Variants in NBAS observed in about 807,000 individuals in gnomAD.
The protein encoded by NBAS is NAG/BC035112 fusion.
Under a neutral mutation model 302.5 loss-of-function variants are expected in NBAS, and 219 were observed. The observed-to-expected ratio is 0.72, with a 90% CI of 0.65 to 0.81. The LOEUF is 0.81. Among genes scored for constraint, NBAS ranks in the 30% least tolerant of loss-of-function variants. The pLI, the probability that NBAS is intolerant of heterozygous loss-of-function variation, is 0.00. For missense variants in NBAS, 2,932 were observed against 2,841.6 expected, an observed-to-expected ratio of 1.03 and a Z score of -0.72; for synonymous variants, 1,118 against 1,021.6, an observed-to-expected ratio of 1.09 and a Z score of -1.80.
At chr2:15,326,444 C>G (rs1672071263) in intron 38 of NBAS, among the ~76,000 whole-genome samples, 1 of 152,178 alleles carries the variant, frequency 6.6e-6, no homozygotes, top group African/African-American at 2.4e-5. Context: ...AGGTCCACAT[C>G]CAACCTAGTA....
intron 44 of NBAS, among the ~76,000 whole-genome samples, chr2:15,260,928 CA>C (rs950705315): frequency 5.9e-5 from 9 of 152,200 alleles, no homozygotes; most frequent in Non-Finnish European, 1.3e-4. Flanking sequence ...TCCTAATCCA[CA>C]GTCTAGTGGT....
chr2:15,425,567 C>CA (rs1677427055), intron 22 of NBAS, among the ~76,000 whole-genome samples: 1 of 152,086 alleles, frequency 6.6e-6, no homozygotes, highest in Non-Finnish European at 1.5e-5. Flanking sequence ...GCATTTTACC[C>CA]AAATGCCTTT....
chr2:15,223,642 A>C (rs1667042863), intron 47 of NBAS, among the ~76,000 whole-genome samples: 1 of 152,088 alleles, frequency 6.6e-6, no homozygotes, highest in South Asian at 2.1e-4. Context: ...CATCCTGGCC[A>C]ACATGGTGAA....
At chr2:15,424,171 C>T in intron 23 of NBAS, 144 bp downstream of exon 23, 1 of 1,052,682 alleles carries the variant, frequency 9.5e-7, no homozygotes, top group Non-Finnish European at 1.4e-6. Context: ...CACAGGATAA[C>T]AAAGAAATAA....
chr2:14,872,875 T>C, the NBAS span, among the ~76,000 whole-genome samples: 1 of 151,290 alleles, frequency 6.6e-6, no homozygotes, highest in Non-Finnish European at 1.5e-5. Context: ...GCCTCCGGAG[T>C]TGTTTGTTCC....
At chr2:14,894,147 C>G in the NBAS span, among the ~76,000 whole-genome samples, 1 of 152,234 alleles carries the variant, frequency 6.6e-6, no homozygotes, top group Non-Finnish European at 1.5e-5. Flanking sequence ...TACAGAGACT[C>G]AAAAATACAT....
chr2:15,201,480 T>C (rs1261771435), intron 48 of NBAS, among the ~76,000 whole-genome samples: 2 of 152,204 alleles, frequency 1.3e-5, no homozygotes, highest in East Asian at 1.9e-4. Flanking sequence ...AAACCAGTCA[T>C]AAGCTGTTGA....
At chr2:15,449,830 C>A (rs1458489177) in intron 21 of NBAS, among the ~76,000 whole-genome samples, 1 of 152,214 alleles carries the variant, frequency 6.6e-6, no homozygotes, top group Non-Finnish European at 1.5e-5. Flanking sequence ...CGGACAGTCA[C>A]CTCAGAAGGC....
chr2:15,450,629 T>C (rs1678961269), intron 21 of NBAS, among the ~76,000 whole-genome samples: 1 of 152,238 alleles, frequency 6.6e-6, no homozygotes, highest in Non-Finnish European at 1.5e-5. Context: ...ATTTATTTAC[T>C]GAATCAAATA....
At chr2:15,458,137 T>C (rs1371250652) in intron 21 of NBAS, among the ~76,000 whole-genome samples, 1 of 152,212 alleles carries the variant, frequency 6.6e-6, no homozygotes, top group Non-Finnish European at 1.5e-5. Context: ...CTCGGATATT[T>C]ATTAAAGAAG....
intron 48 of NBAS, among the ~76,000 whole-genome samples, chr2:15,197,522 A>C (rs1325280015): frequency 6.6e-6 from 1 of 152,166 alleles, no homozygotes; most frequent in Non-Finnish European, 1.5e-5. Flanking sequence ...ATGACCATTC[A>C]ATTTGTGAGA....
the NBAS span, among the ~76,000 whole-genome samples, chr2:14,925,919 G>A: frequency 6.6e-6 from 1 of 152,118 alleles, no homozygotes; most frequent in Non-Finnish European, 1.5e-5. Context: ...TTGTTTCTCA[G>A]GAATATATTG....
intron 25 of NBAS, among the ~76,000 whole-genome samples, chr2:15,409,322 C>T (rs1318340710): frequency 1.3e-5 from 2 of 152,172 alleles, no homozygotes; most frequent in Admixed American, 1.3e-4. Flanking sequence ...CACCTCGTAT[C>T]TTTCATTGAT....
chr2:15,160,901 A>T, the NBAS span, among the ~76,000 whole-genome samples: 2 of 152,200 alleles, frequency 1.3e-5, no homozygotes, highest in Admixed American at 6.5e-5. Flanking sequence ...TAAGAAGGTA[A>T]CATGAAAGGG....
chr2:15,011,486 T>C, the NBAS span, among the ~76,000 whole-genome samples: 36 of 152,146 alleles, frequency 2.4e-4, no homozygotes, highest in African/African-American at 8.2e-4. Flanking sequence ...AACAGACCCA[T>C]GGGCCATCCC....
chr2:15,400,912 C>A (rs1676118909), intron 26 of NBAS, among the ~76,000 whole-genome samples: 1 of 152,152 alleles, frequency 6.6e-6, no homozygotes, highest in Non-Finnish European at 1.5e-5. Context: ...TTTACCTTGT[C>A]TCTCTATTTC....
rs747569951 is a variant in NBAS at position 15,349,134 on chromosome 2, T to A, written c.4179+2858A>T. 3.9e-5 allele frequency among the ~76,000 whole-genome samples: 6 copies of A among 152,288 alleles called. No homozygotes were observed. In the East Asian group the frequency reaches 5.8e-4, roughly 15 times the overall value. On this transcript the variant is annotated intron_variant, in intron 35 of 51. Transcript: ENST00000281513. ...CCCACCACTGGAACATAACAGATGT[T>A]TGAAAGGCATGAAAAGGGATGATGC...
chr2:15,489,225 T>C (rs150510363), intron 11 of NBAS, among the ~76,000 whole-genome samples: 1 of 152,144 alleles, frequency 6.6e-6, no homozygotes, highest in Admixed American at 6.6e-5. Context: ...TACTTCAGAG[T>C]TATAATTTAC....
chr2:14,937,826 T>C, the NBAS span, among the ~76,000 whole-genome samples: 1 of 152,108 alleles, frequency 6.6e-6, no homozygotes, highest in African/African-American at 2.4e-5. Context: ...CTTACAGTGT[T>C]GTTATTAATA....
Sources: allele counts gnomAD v4.1 joint callset (sites outside exome capture counted in the v4.1 genomes callset), GRCh38; gene constraint gnomAD v4.1.1; transcripts MANE v1.5; gene names NCBI Gene and HGNC (gene_info 2026-07-23, HGNC 2026-07-21).